The following PDE3B variants were observed in gnomAD, a reference collection of about 807,000 sequenced individuals.
PDE3B encodes phosphodiesterase 3B.
Under a neutral mutation model 116.8 loss-of-function variants are expected in PDE3B, and 66 were observed. The ratio of observed to expected loss-of-function variants is 0.56; its 90% CI spans 0.46 to 0.69. PDE3B has a LOEUF of 0.69. Ranked by LOEUF, PDE3B falls within the 30% of genes least tolerant of loss-of-function variation. The pLI is 0.00. For missense variants in PDE3B, 1,384 were observed against 1,368.1 expected (o/e 1.01, Z -0.18); for synonymous variants, 595 against 533.6 (o/e 1.12, Z -1.59).
intron 1 of PDE3B, among the ~76,000 whole-genome samples, chr11:14,751,761 C>T (rs1376841261): frequency 5.9e-5 from 9 of 152,156 alleles, no homozygotes; most frequent in Admixed American, 5.9e-4. Flanking sequence ...GTTCAGAAAG[C>T]TTCCTAGACT....
chr11:14,748,071 G>A (rs1856962772), intron 1 of PDE3B, among the ~76,000 whole-genome samples: 1 of 152,186 alleles, frequency 6.6e-6, no homozygotes, highest in Non-Finnish European at 1.5e-5. Flanking sequence ...TTATAAGCGA[G>A]TTATAACCTA....
intron 1 of PDE3B, among the ~76,000 whole-genome samples, chr11:14,687,058 A>T (rs1172698523): frequency 1.3e-5 from 2 of 152,086 alleles, no homozygotes; most frequent in African/African-American, 2.4e-5. Context: ...CAGGTGTATT[A>T]TGTTATATTT....
chr11:14,795,946 T>C (rs1858537810), intron 4 of PDE3B, among the ~76,000 whole-genome samples: 1 of 152,158 alleles, frequency 6.6e-6, no homozygotes. Flanking sequence ...TACATAGGTA[T>C]ACACGTGCCA....
At chr11:14,862,980 C>T (rs1847978410) in intron 14 of PDE3B, among the ~76,000 whole-genome samples, 1 of 151,998 alleles carries the variant, frequency 6.6e-6, no homozygotes, top group African/African-American at 2.4e-5. Flanking sequence ...TGGTTTGCTG[C>T]ACCCATCAAC....
At chr11:14,663,543 C>A (rs1038493136) in intron 1 of PDE3B, among the ~76,000 whole-genome samples, 1 of 151,846 alleles carries the variant, frequency 6.6e-6, no homozygotes, top group Non-Finnish European at 1.5e-5. Context: ...TGCAGAGACA[C>A]ACATAGGCTC....
chr11:14,644,069 C>T lies in PDE3B; in HGVS notation c.-7C>T, dbSNP rs1490102362. ...GCTGAGTCCCGTGGCCACCCCCGGCCCCAGCCATGAGGAGGGACGAGCGAG... is the reference window on the plus strand; with the variant it reads ...GCTGAGTCCCGTGGCCACCCCCGGCTCCAGCCATGAGGAGGGACGAGCGAG... On this transcript the variant is annotated 5_prime_UTR_variant, in exon 1 of 16. Transcript: ENST00000282096. 3.3e-6 allele frequency: 5 copies of T among 1,515,682 alleles called. No homozygotes were observed. The highest frequency in any genetic ancestry group is 2.5e-5 in the South Asian group (2 of 81,496). 93.9% of individuals were successfully genotyped at this position (1,515,682 alleles called of 1,614,324 possible). A position where few individuals can be genotyped will look rare whatever the true frequency, so the allele number is the denominator to read the frequency against.
In PDE3B at chr11:14,804,029, C is replaced by T; in HGVS notation, c.1501C>T (p.His501Tyr). The change falls in exon 5 of 16, where the codon CAT (histidine) becomes TAT (tyrosine). Residue 501 changes from histidine (H) to tyrosine (Y), a missense_variant. By Grantham distance (83) the His-to-Tyr change is moderately conservative. This residue lies in a region of PDE3B where 956 missense variants were observed against 806.8 expected (regional missense o/e 1.18). Coordinates refer to ENST00000282096, the MANE Select transcript of PDE3B (RefSeq NM_000922.4). The stretch of plus-strand genomic sequence containing the variant: ...GTCATCTTCTGTATCACTGACTCAC[C>T]ATGTAGGTCTCAGAAGAGCTGGTAA... ...QRSSSVSLTH[H>Y]VGLRRAGVLS... The T allele has an allele frequency of 6.2e-7, 1 of 1,602,938 alleles. No homozygotes were observed. Among genetic ancestry groups the T allele is most frequent in the Non-Finnish European group, 8.5e-7 (1 of 1,169,954 alleles).
chr11:14,883,193 C>T, the PDE3B span, among the ~76,000 whole-genome samples: 1 of 151,556 alleles, frequency 6.6e-6, no homozygotes, highest in Non-Finnish European at 1.5e-5. Flanking sequence ...CTTTAAAGTT[C>T]ATATGGAACC....
At chr11:14,891,599 T>C in the PDE3B span, 3 of 1,062,716 alleles carry the variant, frequency 2.8e-6, no homozygotes, top group African/African-American at 1.7e-5. Flanking sequence ...TCCACAGAGC[T>C]GCGAGGCCGA....
intron 1 of PDE3B, among the ~76,000 whole-genome samples, chr11:14,700,063 A>C (rs1855320227): frequency 1.3e-5 from 2 of 151,766 alleles, no homozygotes; most frequent in Admixed American, 1.3e-4. Context: ...ACCCATGGTC[A>C]CCTTAAAAAT....
chr11:14,741,930 T>A (rs1856786268), intron 1 of PDE3B, among the ~76,000 whole-genome samples: 1 of 152,188 alleles, frequency 6.6e-6, no homozygotes, highest in Admixed American at 6.5e-5. Context: ...TACTTTCTTC[T>A]GGCTTGTAGA....
intron 1 of PDE3B, among the ~76,000 whole-genome samples, chr11:14,695,366 A>T (rs985999271): frequency 6.6e-6 from 1 of 151,834 alleles, no homozygotes; most frequent in Admixed American, 6.6e-5. Context: ...GGACGTTTGG[A>T]TTATTTTTAT....
rs369313019 is a variant in PDE3B, at chr11:14,798,190, A to G, written c.1416-5754A>G. On this transcript the variant is annotated intron_variant, in intron 4 of 15. Coordinates refer to ENST00000282096, the MANE Select transcript of PDE3B (RefSeq NM_000922.4). ...CTTTTGTGCATCTATTGAGATAATCATGCGGTTTTTGTCATTGGTTCTGTT... is the reference window on the plus strand; with the variant it reads ...CTTTTGTGCATCTATTGAGATAATCGTGCGGTTTTTGTCATTGGTTCTGTT... 1.9e-3 allele frequency among the ~76,000 whole-genome samples: 290 copies of G among 152,324 alleles called. 1 individual carries two copies. The highest frequency in any genetic ancestry group is 6.4e-3 in the African/African-American group (266 of 41,574).
chr11:14,761,683 C>T (rs971152472), intron 1 of PDE3B, among the ~76,000 whole-genome samples: 4 of 151,974 alleles, frequency 2.6e-5, no homozygotes, highest in African/African-American at 9.7e-5. Context: ...ACAAGAGGTT[C>T]CCAGTTTTCA....
chr11:14,791,003 T>C (rs1359012267), intron 4 of PDE3B, among the ~76,000 whole-genome samples: 3 of 152,146 alleles, frequency 2.0e-5, no homozygotes, highest in Non-Finnish European at 4.4e-5. Context: ...ATGTGACTGT[T>C]AATCATTTGA....
chr11:14,821,535 C>A (rs1444604735), intron 7 of PDE3B, among the ~76,000 whole-genome samples: 1 of 152,054 alleles, frequency 6.6e-6, no homozygotes, highest in Non-Finnish European at 1.5e-5. Flanking sequence ...ATGTAATATA[C>A]CTCAAGTGCA....
chr11:14,709,858 T>C (rs1439883219), intron 1 of PDE3B, among the ~76,000 whole-genome samples: 1 of 152,248 alleles, frequency 6.6e-6, no homozygotes, highest in African/African-American at 2.4e-5. Context: ...CTTTTTTTCC[T>C]GCTTAACTTT....
At chr11:14,798,082 CTTA>C (rs1267144358) in intron 4 of PDE3B, among the ~76,000 whole-genome samples, 2 of 152,104 alleles carry the variant, frequency 1.3e-5, no homozygotes, top group South Asian at 2.1e-4. Flanking sequence ...ATAAATAGCT[CTTA>C]TTATTTTGAG....
chr11:14,733,458 G>A (rs1475885590), intron 1 of PDE3B, among the ~76,000 whole-genome samples: 5 of 152,100 alleles, frequency 3.3e-5, no homozygotes, highest in Non-Finnish European at 2.9e-5. Flanking sequence ...GATATATTAT[G>A]TAGTATGAGT....
Sources: allele counts gnomAD v4.1 joint callset (sites outside exome capture counted in the v4.1 genomes callset), GRCh38; gene constraint gnomAD v4.1.1; regional missense constraint gnomAD v4.1.1; transcripts MANE v1.5; gene names NCBI Gene and HGNC (gene_info 2026-07-23, HGNC 2026-07-21).